The following C12orf56 variants were observed in gnomAD, a reference collection of about 807,000 sequenced individuals.
C12orf56 encodes uncharacterized protein C12orf56.
Under a neutral mutation model 69.9 loss-of-function variants are expected in C12orf56, and 71 were observed. The observed-to-expected ratio is 1.02, with a 90% CI of 0.84 to 1.24. C12orf56 has a LOEUF of 1.24. C12orf56 is among the 50% of genes most tolerant of loss of function. C12orf56 has a pLI of 0.00. For missense variants in C12orf56, 732 were observed against 738.5 expected, an observed-to-expected ratio of 0.99 and a Z score of 0.10; for synonymous variants, 276 against 274.1, an observed-to-expected ratio of 1.01 and a Z score of -0.07.
chr12:64,274,828 T>A, intron 11 of C12orf56, 73 bp downstream of exon 11: 1 of 1,178,028 alleles, frequency 8.5e-7, no homozygotes, highest in South Asian at 1.7e-5. Flanking sequence ...AATCTGTGTT[T>A]TATTAATTAA....
chr12:64,308,331 A>G (rs187202604), intron 5 of C12orf56, among the ~76,000 whole-genome samples: 38 of 152,256 alleles, frequency 2.5e-4, no homozygotes, highest in African/African-American at 8.9e-4. Context: ...CAATAAATAC[A>G]TACATACATA....
intron 1 of C12orf56, among the ~76,000 whole-genome samples, chr12:64,371,547 G>A (rs951972716): frequency 2.0e-5 from 3 of 151,718 alleles, no homozygotes; most frequent in Admixed American, 2.0e-4. Context: ...AATCCAGGGG[G>A]TGACCAGGTG....
At chr12:64,361,426 C>T (rs2039399056) in intron 1 of C12orf56, among the ~76,000 whole-genome samples, 1 of 152,012 alleles carries the variant, frequency 6.6e-6, no homozygotes, top group Admixed American at 6.6e-5. Context: ...AGGAGCTCAG[C>T]ACAAGATACA....
At chr12:64,283,728 T>C (rs1444674771) in intron 8 of C12orf56, among the ~76,000 whole-genome samples, 1 of 151,358 alleles carries the variant, frequency 6.6e-6, no homozygotes, top group Non-Finnish European at 1.5e-5. Context: ...GTCATCAAGG[T>C]CAGCCAGCTT....
chr12:64,357,119 A>AT, intron 1 of C12orf56, among the ~76,000 whole-genome samples: 1 of 146,328 alleles, frequency 6.8e-6, no homozygotes, highest in Non-Finnish European at 1.5e-5. Context: ...AAAAAAAAAC[A>AT]CACAAAAATG....
chr12:64,319,274 G>A (rs1170719851), intron 3 of C12orf56, among the ~76,000 whole-genome samples: 6 of 152,180 alleles, frequency 3.9e-5, no homozygotes, highest in Non-Finnish European at 4.4e-5. Context: ...CCTTCATGGA[G>A]CCCTGATATT....
intron 5 of C12orf56, 128 bp from the exon 6 acceptor site, chr12:64,303,907 C>A: frequency 9.0e-7 from 1 of 1,112,462 alleles, no homozygotes; most frequent in Non-Finnish European, 1.2e-6. Flanking sequence ...TTTTATTCTC[C>A]TAGCCTTAAT....
intron 9 of C12orf56, among the ~76,000 whole-genome samples, chr12:64,276,821 C>A (rs10735921): frequency 6.7e-6 from 1 of 149,736 alleles, no homozygotes; most frequent in Non-Finnish European, 1.5e-5. Context: ...TGGCAAGACC[C>A]CATCTCTACA....
At chr12:64,336,406 A>ATG (rs1171478768) in intron 2 of C12orf56, among the ~76,000 whole-genome samples, 1 of 152,164 alleles carries the variant, frequency 6.6e-6, no homozygotes, top group Non-Finnish European at 1.5e-5. Context: ...AGGAATTTAA[A>ATG]TGTCATCAAA....
At chr12:64,386,743 C>G (rs2039796248) in intron 1 of C12orf56, among the ~76,000 whole-genome samples, 1 of 151,718 alleles carries the variant, frequency 6.6e-6, no homozygotes, top group African/African-American at 2.4e-5. Flanking sequence ...GTTGGCCAGG[C>G]TGATCTCAAA....
At position 64,334,299 on chromosome 12, in the gene C12orf56, A is replaced by T. The variant is rs1054651926; in HGVS notation, c.416-3267T>A. On this transcript the variant is annotated intron_variant, in intron 2 of 12. Coordinates refer to ENST00000543942, the MANE Select transcript of C12orf56 (RefSeq NM_001170633.2). Reference sequence around the variant, plus strand: ...TCTTGTGCTTTTACTTTTGCCCCACATCATTGGTTTTAGAAAATATCTAGG... The same window carrying T: ...TCTTGTGCTTTTACTTTTGCCCCACTTCATTGGTTTTAGAAAATATCTAGG... 5.9e-5 allele frequency among the ~76,000 whole-genome samples: 9 copies of T among 152,322 alleles called. No individual in the cohort carries two copies. The East Asian group carries it at 1.7e-3, about 29-fold the overall frequency.
At chr12:64,269,131 C>A (rs1283014532) in intron 12 of C12orf56, among the ~76,000 whole-genome samples, 4 of 67,824 alleles carry the variant, frequency 5.9e-5, no homozygotes, top group Non-Finnish European at 1.2e-4. Flanking sequence ...CAGAGTGAGA[C>A]CCTGTGTCAA....
chr12:64,373,836 C>T (rs1039907187), intron 1 of C12orf56, among the ~76,000 whole-genome samples: 1 of 152,106 alleles, frequency 6.6e-6, no homozygotes, highest in Non-Finnish European at 1.5e-5. Context: ...CATGTTCTCT[C>T]ATGAAAATCT....
At chr12:64,383,262 A>G (rs898417544) in intron 1 of C12orf56, among the ~76,000 whole-genome samples, 2 of 151,844 alleles carry the variant, frequency 1.3e-5, no homozygotes, top group African/African-American at 4.8e-5. Flanking sequence ...GGTTGCAGTG[A>G]GCAGAGGTGT....
At chr12:64,375,008 T>C (rs962618541) in intron 1 of C12orf56, among the ~76,000 whole-genome samples, 1 of 152,170 alleles carries the variant, frequency 6.6e-6, no homozygotes, top group Non-Finnish European at 1.5e-5. Context: ...TTTTAATGCA[T>C]GTTTCTTGCT....
chr12:64,362,377 A>C (rs1171354073), intron 1 of C12orf56, among the ~76,000 whole-genome samples: 1 of 152,132 alleles, frequency 6.6e-6, no homozygotes, highest in African/African-American at 2.4e-5. Context: ...CCACACTGCA[A>C]AGTGAAAGCA....
chr12:64,388,491 C>T (rs960515234), intron 1 of C12orf56, among the ~76,000 whole-genome samples: 6 of 152,196 alleles, frequency 3.9e-5, no homozygotes, highest in South Asian at 4.2e-4. Context: ...GATTCCCCTG[C>T]GTTGGCCTCC....
chr12:64,282,251 G>T (rs568028714), intron 8 of C12orf56, among the ~76,000 whole-genome samples: 4,747 of 152,274 alleles, frequency 0.031, 239 homozygotes, highest in African/African-American at 0.11. Context: ...TTGCTGTAAA[G>T]CAGAGCTCAG....
intron 1 of C12orf56, among the ~76,000 whole-genome samples, chr12:64,379,055 A>G (rs1007418359): frequency 5.3e-5 from 8 of 151,042 alleles, no homozygotes; most frequent in Non-Finnish European, 8.9e-5. Context: ...CTGTCTCAAA[A>G]AAAAAAAAAA....
Sources: allele counts gnomAD v4.1 joint callset (sites outside exome capture counted in the v4.1 genomes callset), GRCh38; gene constraint gnomAD v4.1.1; transcripts MANE v1.5; gene names NCBI Gene and HGNC (gene_info 2026-07-23, HGNC 2026-07-21).